MINDY4: variants seen among roughly 807,000 people sequenced by gnomAD.
MINDY4 encodes probable ubiquitin carboxyl-terminal hydrolase MINDY-4.
A neutral mutation model predicts 87.0 loss-of-function variants in MINDY4; 68 were observed. The observed-to-expected ratio is 0.78, with a 90% CI of 0.64 to 0.96. The LOEUF is 0.96. MINDY4 is among the 40% of genes least tolerant of loss of function. The pLI, the probability that MINDY4 is intolerant of heterozygous loss-of-function variation, is 0.00. For synonymous variants in MINDY4, 379 were observed against 363.2 expected (o/e 1.04, Z -0.50); for missense variants, 919 against 928.2 (o/e 0.99, Z 0.13).
At chr7:30,842,544 G>GAAAAAA (rs1789073911) in intron 9 of MINDY4, among the ~76,000 whole-genome samples, 1 of 152,214 alleles carries the variant, frequency 6.6e-6, no homozygotes, top group Non-Finnish European at 1.5e-5. Context: ...AAAATGTGCA[G>GAAAAAA]AGTGTGCTTA....
At chr7:30,805,708 A>G (rs1235361134) in intron 5 of MINDY4, among the ~76,000 whole-genome samples, 1 of 152,142 alleles carries the variant, frequency 6.6e-6, no homozygotes, top group African/African-American at 2.4e-5. Context: ...TCCGGGGCAG[A>G]AAGTCAACTG....
intron 5 of MINDY4, among the ~76,000 whole-genome samples, chr7:30,815,804 G>A (rs1047089083): frequency 2.0e-5 from 3 of 152,170 alleles, no homozygotes; most frequent in African/African-American, 7.2e-5. Flanking sequence ...CAGGAAACCA[G>A]CCTGAGAGAA....
intron 6 of MINDY4, among the ~76,000 whole-genome samples, chr7:30,834,860 A>G (rs1024194690): frequency 1.3e-5 from 2 of 152,208 alleles, no homozygotes; most frequent in Non-Finnish European, 2.9e-5. Context: ...CTAGAACACA[A>G]CAAGAGTCAC....
intron 3 of MINDY4, among the ~76,000 whole-genome samples, chr7:30,784,649 C>T (rs532947961): frequency 3.9e-5 from 6 of 152,338 alleles, no homozygotes; most frequent in East Asian, 3.9e-4. Context: ...TAGAGGCCTG[C>T]GTGCTGGGGC....
chr7:30,784,202 A>T (rs1003874069), intron 3 of MINDY4, among the ~76,000 whole-genome samples: 3 of 152,134 alleles, frequency 2.0e-5, no homozygotes, highest in Non-Finnish European at 4.4e-5. Context: ...CTGGGAAGTG[A>T]AATACTTCTG....
intron 5 of MINDY4, among the ~76,000 whole-genome samples, chr7:30,818,800 C>T (rs1299262892): frequency 2.0e-5 from 3 of 152,102 alleles, no homozygotes; most frequent in African/African-American, 4.8e-5. Flanking sequence ...TTCATTTTTT[C>T]GTCAGTTTTG....
At chr7:30,834,825 A>C (rs142117817) in intron 6 of MINDY4, among the ~76,000 whole-genome samples, 1 of 152,228 alleles carries the variant, frequency 6.6e-6, no homozygotes, top group Non-Finnish European at 1.5e-5. Context: ...TCTCTAGGGC[A>C]GAGGCAAAAT....
intron 9 of MINDY4, among the ~76,000 whole-genome samples, chr7:30,843,932 G>A (rs1789120468): frequency 6.6e-6 from 1 of 152,196 alleles, no homozygotes; most frequent in African/African-American, 2.4e-5. Flanking sequence ...GGGGGGGCCT[G>A]CCTGGCTGGA....
chr7:30,885,706 ACC>A (rs144436645), intron 17 of MINDY4, among the ~76,000 whole-genome samples: 1 of 124,050 alleles, frequency 8.1e-6, no homozygotes, highest in Middle Eastern at 3.9e-3. Flanking sequence ...GGCAGTGCCC[ACC>A]CCCCCCCCAA....
chr7:30,849,172 C>G (rs1307873538), intron 9 of MINDY4, among the ~76,000 whole-genome samples: 1 of 152,166 alleles, frequency 6.6e-6, no homozygotes, highest in African/African-American at 2.4e-5. Flanking sequence ...GGGTTCTGGT[C>G]TGGTTTCTTT....
In MINDY4 at chr7:30,791,415, G is replaced by T; in HGVS notation, c.914G>T (p.Arg305Met). Residue 305 changes from arginine (R) to methionine (M), a missense_variant, in exon 5 of 18, where the codon AGG becomes ATG. Physicochemically the swap from Arg to Met is moderately conservative, Grantham distance 91. Coordinates refer to ENST00000265299, the MANE Select transcript of MINDY4 (RefSeq NM_032222.3). The part of the protein sequence containing the change: ...SKRLPPWDRA[R>M]PRDPSEDTPA... ...CGGCTGCCCCCATGGGACAGGGCCAGGCCGAGGGATCCCTCCGAGGACACC... is the reference window on the plus strand; with the variant it reads ...CGGCTGCCCCCATGGGACAGGGCCATGCCGAGGGATCCCTCCGAGGACACC... The T allele has an allele frequency of 6.2e-7, 1 of 1,614,140 alleles. No individual in the cohort carries two copies. Among genetic ancestry groups the T allele is most frequent in the Non-Finnish European group, 8.5e-7 (1 of 1,180,020 alleles).
chr7:30,883,502 C>T (rs1305514142), intron 17 of MINDY4, among the ~76,000 whole-genome samples: 3 of 152,132 alleles, frequency 2.0e-5, no homozygotes, highest in African/African-American at 4.8e-5. Flanking sequence ...CCTCTGGCCT[C>T]AGAGGCAGGT....
chr7:30,771,673 G>A, intron 1 of MINDY4, 117 bp downstream of exon 1: 1 of 950,794 alleles, frequency 1.1e-6, no homozygotes, highest in South Asian at 1.7e-5. Flanking sequence ...CCTACTGCCT[G>A]CTCCAGAGAT....
rs548822341 is a variant in MINDY4, at chr7:30,872,188, G to C, written c.1746-55G>C. The C allele has an allele frequency of 1.0e-5, 16 of 1,585,500 alleles. No homozygotes were observed. In the African/African-American group the frequency reaches 1.7e-4, roughly 17 times the overall value. ...GGGGAGCGCCTGGTCACCTAGCGAGGTTTGCAACCTGGGTCAGGCAGAGCT... is the reference window on the plus strand; with the variant it reads ...GGGGAGCGCCTGGTCACCTAGCGAGCTTTGCAACCTGGGTCAGGCAGAGCT... On this transcript the variant is annotated intron_variant, in intron 13 of 17. Coordinates refer to ENST00000265299, the MANE Select transcript of MINDY4 (RefSeq NM_032222.3).
Position 30,785,902 on chromosome 7 carries a change from G to A in MINDY4, c.573G>A (p.Leu191=). 2 of 1,614,198 alleles carry A rather than the reference G, an allele frequency of 1.2e-6. No individual in the cohort carries two copies. The highest frequency in any genetic ancestry group is 1.3e-5 in the African/African-American group (1 of 75,032). Residue 191 remains leucine, a synonymous_variant, in exon 4 of 18, where the codon TTG becomes TTA. Transcript: ENST00000265299. The stretch of plus-strand genomic sequence containing the variant: ...ACAAGCTTCACTCGGAGCCTTCCTT[G>A]GATGTGAAGAGGATGGGAGAGAATT... ...KIDKLHSEPS[L]DVKRMGENSR... is the part of the protein sequence containing the mutation.
chr7:30,859,593 C>G lies in MINDY4; in HGVS notation c.1745+269C>G, dbSNP rs192220835. Among the ~76,000 whole-genome samples the G allele has an allele frequency of 1.8e-3, 268 of 152,324 alleles. 1 individual carries two copies. Among genetic ancestry groups the G allele is most frequent in the African/African-American group, 6.2e-3 (256 of 41,580 alleles). On this transcript the variant is annotated intron_variant, in intron 13 of 17. Coordinates refer to ENST00000265299, the MANE Select transcript of MINDY4 (RefSeq NM_032222.3). ...CAGCCCTTGAGGAGCTTGCCTGGAA[C>G]TGCAGTGCATGCACACTTGAGCACT...
intron 5 of MINDY4, among the ~76,000 whole-genome samples, chr7:30,820,668 G>A (rs910276388): frequency 1.2e-4 from 18 of 152,138 alleles, no homozygotes; most frequent in African/African-American, 4.1e-4. Flanking sequence ...GCATGTATCC[G>A]TACCTCATTC....
chr7:30,851,141 G>A (rs1789402059), intron 10 of MINDY4, among the ~76,000 whole-genome samples: 1 of 152,328 alleles, frequency 6.6e-6, no homozygotes, highest in Admixed American at 6.5e-5. Flanking sequence ...AGCCTGATCC[G>A]TCAGAGTGGA....
chr7:30,854,188 C>G (rs577611199), intron 12 of MINDY4, among the ~76,000 whole-genome samples: 2 of 152,310 alleles, frequency 1.3e-5, no homozygotes, highest in Non-Finnish European at 2.9e-5. Context: ...CTAGATTCAC[C>G]CTTCAGTAGC....
Sources: gnomAD v4.1 joint callset for allele counts (sites outside exome capture counted in the v4.1 genomes callset) on GRCh38, gnomAD v4.1.1 for gene constraint, MANE v1.5 for transcripts, NCBI Gene and HGNC (gene_info 2026-07-23, HGNC 2026-07-21) for gene names.